The following RTN4RL2 variants were observed in gnomAD, a reference collection of about 807,000 sequenced individuals.
RTN4RL2 encodes reticulon-4 receptor-like 2.
In RTN4RL2, 9 loss-of-function variants were observed where a neutral mutation model predicts 27.8. That is an observed-to-expected ratio of 0.32 (90% confidence interval 0.20 to 0.57). The LOEUF (loss-of-function observed/expected upper bound fraction) is 0.57. Among genes scored for constraint, RTN4RL2 ranks in the 20% least tolerant of loss-of-function variants. The pLI is 0.90. For missense variants in RTN4RL2, 436 were observed against 596.8 expected (o/e 0.73, Z 2.81); for synonymous variants, 285 against 297.9 (o/e 0.96, Z 0.45).
chr11:57,464,002 C>G (rs1385224200), intron 1 of RTN4RL2, among the ~76,000 whole-genome samples: 4 of 152,238 alleles, frequency 2.6e-5, no homozygotes, highest in Non-Finnish European at 1.5e-5. Flanking sequence ...TGGGTTACAG[C>G]TGCTTTGCAC....
chr11:57,475,290 C>T (rs1043553990), intron 2 of RTN4RL2, among the ~76,000 whole-genome samples: 1 of 152,106 alleles, frequency 6.6e-6, no homozygotes, highest in Non-Finnish European at 1.5e-5. Flanking sequence ...AGGGAAAAGG[C>T]AAGCTGGATT....
chr11:57,472,819 G>T (rs1303850263), intron 2 of RTN4RL2, among the ~76,000 whole-genome samples: 2 of 152,176 alleles, frequency 1.3e-5, no homozygotes, highest in Admixed American at 1.3e-4. Context: ...ACAGTCCAAG[G>T]TCACCCAGCT....
intron 1 of RTN4RL2, among the ~76,000 whole-genome samples, chr11:57,464,085 C>G (rs1374056147): frequency 6.6e-6 from 1 of 152,230 alleles, no homozygotes; most frequent in African/African-American, 2.4e-5. Flanking sequence ...GCCCCCAGCA[C>G]GGGGTCGCTC....
intron 2 of RTN4RL2, among the ~76,000 whole-genome samples, chr11:57,474,435 T>TG (rs1943584235): frequency 6.6e-6 from 1 of 152,066 alleles, no homozygotes; most frequent in Admixed American, 6.5e-5. Flanking sequence ...GGCTCCTGGG[T>TG]GGCAGGCATG....
intron 2 of RTN4RL2, among the ~76,000 whole-genome samples, chr11:57,471,751 G>A (rs1207487409): frequency 6.6e-6 from 1 of 152,244 alleles, no homozygotes; most frequent in African/African-American, 2.4e-5. Flanking sequence ...CCACATGCCA[G>A]GCAATGTTCC....
chr11:57,473,599 C>A (rs1432769259), intron 2 of RTN4RL2, among the ~76,000 whole-genome samples: 1 of 52,748 alleles, frequency 1.9e-5, no homozygotes, highest in East Asian at 4.4e-4. Flanking sequence ...TAGGGAGGGG[C>A]GGGGGGAGGG....
chr11:57,468,553 T>G, intron 2 of RTN4RL2: 1 of 1,536,538 alleles, frequency 6.5e-7, no homozygotes, highest in Non-Finnish European at 8.7e-7. Flanking sequence ...GCACTCTGCC[T>G]TCCCCCAGGG....
rs758926607 is a variant in RTN4RL2 at position 57,476,820 on chromosome 11, A to G, written c.1172A>G (p.Gln391Arg). The change falls in exon 3 of 3, where the codon CAG becomes CGG. Residue 391 changes from glutamine (Q) to arginine (R), a missense_variant. By Grantham distance (43) the Gln-to-Arg change is conservative. Transcript: ENST00000335099. The surrounding 1 kb of genome is among the most constrained non-coding windows in gnomAD (Gnocchi z 8.2). The stretch of plus-strand genomic sequence containing the variant: ...CAGATGTGCCCCGGCGCTGCCTGCC[A>G]GGCGCCCCCGGACTCCCGAGGCCCT... ...GEQMCPGAAC[Q>R]APPDSRGPAL... 3.2e-6 allele frequency: 5 copies of G among 1,549,484 alleles called. No homozygotes were observed. Among genetic ancestry groups the G allele is most frequent in the African/African-American group, 1.4e-5 (1 of 70,450 alleles).
chr11:57,464,383 G>A (rs532319282), intron 1 of RTN4RL2, among the ~76,000 whole-genome samples: 9 of 152,202 alleles, frequency 5.9e-5, no homozygotes, highest in African/African-American at 1.7e-4. Context: ...CGGTCAGTCC[G>A]GAGGCTGGGG....
At chr11:57,461,559 G>C (rs537407360) in intron 1 of RTN4RL2, among the ~76,000 whole-genome samples, 23 of 151,608 alleles carry the variant, frequency 1.5e-4, no homozygotes, top group Non-Finnish European at 1.0e-4. Context: ...AGGAATAAAG[G>C]TTAGATGGGA....
In RTN4RL2 at chr11:57,476,174, G is replaced by A. The variant is rs1943593715; in HGVS notation, c.526G>A (p.Ala176Thr). The A allele has an allele frequency of 6.2e-7, 1 of 1,605,892 alleles. No individual in the cohort carries two copies. The highest frequency in any genetic ancestry group is 8.5e-7 in the Non-Finnish European group (1 of 1,175,420). Residue 176 changes from alanine (A) to threonine (T), a missense_variant, in exon 3 of 3, where the codon GCG (alanine) becomes ACG (threonine). By Grantham distance (58) the Ala-to-Thr change is moderately conservative (BLOSUM62 0). Coordinates refer to ENST00000335099, the MANE Select transcript of RTN4RL2 (RefSeq NM_178570.3). This position sits in a 1 kb window ranked among gnomAD's most constrained non-coding sequence, Gnocchi z 8.2. ...SLLHLQDDLF[A>T]DLANLSHLFL... ...CCACCCCACCCAGGATGACTTGTTC[G>A]CGGACCTGGCCAACCTGAGCCACCT... is the stretch of plus-strand genomic sequence containing the variant.
intron 1 of RTN4RL2, among the ~76,000 whole-genome samples, chr11:57,463,813 C>CG (rs1185367445): frequency 6.6e-6 from 1 of 151,664 alleles, no homozygotes; most frequent in Admixed American, 6.6e-5. Context: ...GGACTGAGGG[C>CG]GGGGGAGAGA....
intron 2 of RTN4RL2, among the ~76,000 whole-genome samples, chr11:57,473,232 C>T (rs1007162742): frequency 1.3e-5 from 2 of 152,156 alleles, no homozygotes; most frequent in Non-Finnish European, 1.5e-5. Context: ...CCAGAACTCA[C>T]CAATTCATAA....
rs1943592978 is a variant in RTN4RL2 at position 57,476,073 on chromosome 11, C to G, written c.514-89C>G. 1 of 1,297,610 alleles carries G rather than the reference C, an allele frequency of 7.7e-7. No individual in the cohort carries two copies. Among genetic ancestry groups the G allele is most frequent in the Non-Finnish European group, 1.1e-6 (1 of 933,066 alleles). The allele number at this position is 1,297,610 out of a possible 1,614,324, so 80.4% of individuals were successfully genotyped here. On this transcript the variant is annotated intron_variant, in intron 2 of 2. Coordinates refer to ENST00000335099, the MANE Select transcript of RTN4RL2 (RefSeq NM_178570.3). This position sits in a 1 kb window ranked among gnomAD's most constrained non-coding sequence, Gnocchi z 8.2. ...CTTTCTCTTCTGCCACGGTGCACCC[C>G]CTTCCCTCCCCCGGCCAAGGCCCCA... is the stretch of plus-strand genomic sequence containing the variant.
At chr11:57,469,625 T>A in intron 2 of RTN4RL2, among the ~76,000 whole-genome samples, 1 of 152,148 alleles carries the variant, frequency 6.6e-6, no homozygotes, top group African/African-American at 2.4e-5. Flanking sequence ...AATACTATTT[T>A]AAAAAAAGAA....
chr11:57,465,990 A>ATTTTTTT (rs35174184), intron 1 of RTN4RL2, among the ~76,000 whole-genome samples: 2 of 77,900 alleles, frequency 2.6e-5, no homozygotes, highest in Admixed American at 1.6e-4. Context: ...CATGCCTACA[A>ATTTTTTT]TTTTTTTTTT....
At position 57,460,831 on chromosome 11, in the gene RTN4RL2, C is replaced by A; in HGVS notation, c.-35C>A. 7.4e-7 allele frequency: 1 copy of A among 1,358,654 alleles called. No homozygotes were observed. Among genetic ancestry groups the A allele is most frequent in the Non-Finnish European group, 9.7e-7 (1 of 1,028,518 alleles). 84.2% of individuals were successfully genotyped at this position (1,358,654 alleles called of 1,614,324 possible). On this transcript the variant is annotated 5_prime_UTR_variant, in exon 1 of 3. Transcript: ENST00000335099. ...TCAGGGAGCGAGTGGGAGCGCCCTC[C>A]CCCCGCTGCCCCCTCCCCCGAGCAT...
At position 57,476,693 on chromosome 11, in the gene RTN4RL2, C is replaced by A. The variant is rs761699045; in HGVS notation, c.1045C>A (p.Arg349=). ...CCCAGCCGATCCCTCCACCCTCTAC[C>A]GAGATCTGCCTGCCGAAGACTCGCG... is the stretch of plus-strand genomic sequence containing the variant. The part of the protein sequence containing the change: ...APPADPSTLY[R]DLPAEDSRGR... The change falls in exon 3 of 3, where the codon CGA becomes AGA. Residue 349 remains arginine (R), a synonymous_variant. Transcript: ENST00000335099. This position sits in a 1 kb window ranked among gnomAD's most constrained non-coding sequence, Gnocchi z 8.2. 2.8e-6 allele frequency: 4 copies of A among 1,440,024 alleles called. No homozygotes were observed. Among genetic ancestry groups the A allele is most frequent in the South Asian group, 1.5e-5 (1 of 67,916 alleles). 89.2% of individuals were successfully genotyped at this position (1,440,024 alleles called of 1,614,324 possible). A position where few individuals can be genotyped will look rare whatever the true frequency, so the allele number is the denominator to read the frequency against.
At chr11:57,466,651 A>C (rs1195295974) in intron 1 of RTN4RL2, among the ~76,000 whole-genome samples, 1 of 152,150 alleles carries the variant, frequency 6.6e-6, no homozygotes, top group African/African-American at 2.4e-5. Context: ...TGACTCTGCA[A>C]GGGCGAAAAG....
Sources: allele counts gnomAD v4.1 joint callset (sites outside exome capture counted in the v4.1 genomes callset), GRCh38; gene constraint gnomAD v4.1.1; non-coding constraint Gnocchi (gnomAD v3.1); transcripts MANE v1.5; gene names NCBI Gene and HGNC (gene_info 2026-07-23, HGNC 2026-07-21).